Variants in DCC observed in about 807,000 individuals in gnomAD.
The protein encoded by DCC is DCC netrin 1 receptor.
Under a neutral mutation model 172.5 loss-of-function variants are expected in DCC, and 58 were observed. The ratio of observed to expected loss-of-function variants is 0.34; its 90% CI spans 0.27 to 0.42. DCC has a LOEUF of 0.42. Ranked by LOEUF, DCC falls within the 10% of genes least tolerant of loss-of-function variation. DCC has a pLI of 1.00. For synonymous variants in DCC, 709 were observed against 644.5 expected (o/e 1.10, Z -1.52); for missense variants, 1,740 against 1,791.0 (o/e 0.97, Z 0.51).
intron 8 of DCC, among the ~76,000 whole-genome samples, chr18:53,158,975 AG>A: frequency 1.5e-5 from 2 of 135,040 alleles, no homozygotes; most frequent in Non-Finnish European, 3.1e-5. Context: ...CCTGGGCAAC[AG>A]AGACGCCATC....
intron 11 of DCC, among the ~76,000 whole-genome samples, chr18:53,209,640 G>A (rs543379927): frequency 5.9e-5 from 9 of 152,200 alleles, no homozygotes; most frequent in East Asian, 1.9e-4. Context: ...TATTTTATAC[G>A]TAATACCACT....
intron 12 of DCC, among the ~76,000 whole-genome samples, chr18:53,261,191 G>A (rs761281684): frequency 6.6e-6 from 1 of 152,118 alleles, no homozygotes; most frequent in African/African-American, 2.4e-5. Flanking sequence ...CTCACATTCA[G>A]TGTGCTGCAC....
intron 5 of DCC, among the ~76,000 whole-genome samples, chr18:53,062,060 T>A (rs1300195523): frequency 6.6e-6 from 1 of 152,082 alleles, no homozygotes; most frequent in Non-Finnish European, 1.5e-5. Flanking sequence ...CAAAAAAGCC[T>A]TATACTAATA....
At chr18:53,062,963 G>A (rs1368399396) in intron 5 of DCC, among the ~76,000 whole-genome samples, 1 of 151,944 alleles carries the variant, frequency 6.6e-6, no homozygotes, top group Non-Finnish European at 1.5e-5. Flanking sequence ...TATCAGAATA[G>A]TTTCCAAAGA....
intron 1 of DCC, among the ~76,000 whole-genome samples, chr18:52,534,143 T>C (rs1264679294): frequency 6.6e-6 from 1 of 152,122 alleles, no homozygotes; most frequent in African/African-American, 2.4e-5. Flanking sequence ...GGAAAAATGT[T>C]TTCAATTTTT....
chr18:52,949,827 G>T (rs947730742), intron 5 of DCC, among the ~76,000 whole-genome samples: 1 of 152,198 alleles, frequency 6.6e-6, no homozygotes, highest in Non-Finnish European at 1.5e-5. Flanking sequence ...TTGGGCACAT[G>T]TAAATATATT....
chr18:52,491,613 C>A (rs2030506083), intron 1 of DCC, among the ~76,000 whole-genome samples: 1 of 152,072 alleles, frequency 6.6e-6, no homozygotes, highest in South Asian at 2.1e-4. Flanking sequence ...TTCAATAGTG[C>A]TGGTGAAAGA....
intron 1 of DCC, among the ~76,000 whole-genome samples, chr18:52,663,150 A>T (rs1004132629): frequency 6.6e-6 from 1 of 152,210 alleles, no homozygotes; most frequent in African/African-American, 2.4e-5. Flanking sequence ...TCAAAGTTAG[A>T]ATTCTGTGTG....
At chr18:52,697,444 T>C (rs2036032532) in intron 1 of DCC, among the ~76,000 whole-genome samples, 1 of 152,206 alleles carries the variant, frequency 6.6e-6, no homozygotes, top group Admixed American at 6.5e-5. Context: ...GTCACTGATA[T>C]GGAGATCAAT....
intron 2 of DCC, among the ~76,000 whole-genome samples, chr18:52,855,463 T>A (rs1260587138): frequency 6.6e-6 from 1 of 152,208 alleles, no homozygotes; most frequent in Non-Finnish European, 1.5e-5. Context: ...AATGCCGTAT[T>A]TTGTCGATAA....
chr18:53,098,009 A>G (rs1278212767), intron 7 of DCC, among the ~76,000 whole-genome samples: 1 of 152,140 alleles, frequency 6.6e-6, no homozygotes, highest in African/African-American at 2.4e-5. Context: ...AGCTGAAGGC[A>G]TCAGCTGATG....
chr18:53,377,816 C>T (rs1338730131), intron 15 of DCC, among the ~76,000 whole-genome samples: 2 of 152,246 alleles, frequency 1.3e-5, no homozygotes, highest in African/African-American at 4.8e-5. Context: ...ATATGCATGA[C>T]GCATCCACAA....
intron 25 of DCC, among the ~76,000 whole-genome samples, chr18:53,468,291 A>G (rs2036414): frequency 0.44 from 66,286 of 150,026 alleles, 16,573 homozygotes; most frequent in Non-Finnish European, 0.58. Flanking sequence ...AAGAGCTGAT[A>G]TATATTTTAA....
intron 2 of DCC, among the ~76,000 whole-genome samples, chr18:52,804,393 T>C (rs882333): frequency 0.66 from 99,706 of 152,082 alleles, 33,497 homozygotes; most frequent in East Asian, 0.86. Context: ...TCTGTTGTTC[T>C]TCATTAAATA....
At chr18:52,538,394 G>C (rs2032344707) in intron 1 of DCC, among the ~76,000 whole-genome samples, 1 of 152,076 alleles carries the variant, frequency 6.6e-6, no homozygotes, top group African/African-American at 2.4e-5. Context: ...ATATATTACT[G>C]TTACAGTAAG....
intron 2 of DCC, among the ~76,000 whole-genome samples, chr18:52,822,832 T>C (rs956411057): frequency 6.6e-6 from 1 of 152,242 alleles, no homozygotes; most frequent in Admixed American, 6.5e-5. Context: ...AGAAGGTTAA[T>C]TATGACATAT....
intron 5 of DCC, among the ~76,000 whole-genome samples, chr18:53,007,693 A>G (rs1289502860): frequency 1.3e-5 from 2 of 152,146 alleles, no homozygotes; most frequent in African/African-American, 4.8e-5. Flanking sequence ...TATGTGAACC[A>G]ACATTTGGGA....
chr18:53,427,916 A>T (rs60867925), intron 21 of DCC, among the ~76,000 whole-genome samples: 2 of 38,240 alleles, frequency 5.2e-5, no homozygotes, highest in Non-Finnish European at 8.4e-5. Context: ...ATATATAATA[A>T]TATAATATAT....
At chr18:53,076,466 C>T (rs2042726148) in intron 7 of DCC, among the ~76,000 whole-genome samples, 1 of 152,100 alleles carries the variant, frequency 6.6e-6, no homozygotes, top group African/African-American at 2.4e-5. Context: ...TCCTTAATTC[C>T]ACCTCTGAAG....
Sources: gnomAD v4.1 joint callset for allele counts (sites outside exome capture counted in the v4.1 genomes callset) on GRCh38, gnomAD v4.1.1 for gene constraint, MANE v1.5 for transcripts, NCBI Gene and HGNC (gene_info 2026-07-23, HGNC 2026-07-21) for gene names.